Variants in TNRC6B observed in about 807,000 individuals in gnomAD.
TNRC6B encodes trinucleotide repeat-containing gene 6B protein.
In TNRC6B, 52 loss-of-function variants were observed where a neutral mutation model predicts 203.6. That is an observed-to-expected ratio of 0.26 (90% CI 0.20 to 0.32). The LOEUF (loss-of-function observed/expected upper bound fraction) is 0.32. TNRC6B is among the 10% of genes least tolerant of loss of function. The pLI is 1.00. For missense variants in TNRC6B, 1,923 were observed against 2,286.2 expected, an observed-to-expected ratio of 0.84 and a Z score of 3.24; for synonymous variants, 838 against 845.7, an observed-to-expected ratio of 0.99 and a Z score of 0.16.
chr22:40,289,248 C>T (rs1372482443), intron 12 of TNRC6B, among the ~76,000 whole-genome samples: 1 of 151,936 alleles, frequency 6.6e-6, no homozygotes, highest in Non-Finnish European at 1.5e-5. Context: ...AGCCACTGCA[C>T]TCCAGCCTGG....
At chr22:40,167,637 T>A (rs1257994174) in intron 4 of TNRC6B, among the ~76,000 whole-genome samples, 1 of 147,674 alleles carries the variant, frequency 6.8e-6, no homozygotes, top group Non-Finnish European at 1.5e-5. Context: ...CCTAGCACTT[T>A]GGGAGACCAA....
At chr22:40,115,895 T>G (rs961753799) in intron 1 of TNRC6B, among the ~76,000 whole-genome samples, 1 of 152,146 alleles carries the variant, frequency 6.6e-6, no homozygotes, top group Non-Finnish European at 1.5e-5. Flanking sequence ...AGAGGTCAAA[T>G]TTGCTCTTCA....
intron 1 of TNRC6B, among the ~76,000 whole-genome samples, chr22:40,075,156 A>ATATATATATATATATATATATATT: frequency 1.4e-4 from 5 of 35,566 alleles, no homozygotes; most frequent in Non-Finnish European, 2.6e-4. Flanking sequence ...ATATATATAT[A>ATATATATATATATATATATATATT]TTTTTTTTTT....
At chr22:40,200,016 C>T (rs1374552137) in intron 1 of TNRC6B, among the ~76,000 whole-genome samples, 1 of 151,972 alleles carries the variant, frequency 6.6e-6, no homozygotes, top group Non-Finnish European at 1.5e-5. Context: ...CCAGGCTGGT[C>T]TTGAACTCCT....
intron 3 of TNRC6B, among the ~76,000 whole-genome samples, chr22:40,149,726 CTTTTAGGGTGGTATGTTCATTGT>C (rs1025534494): frequency 1.4e-5 from 2 of 139,442 alleles, no homozygotes; most frequent in Non-Finnish European, 3.1e-5. Flanking sequence ...CATGATGAAA[CTTTTAGGGTGGTATGTTCATTGT>C]CTTGCTTGTG....
chr22:40,219,166 G>A (rs144904122), intron 1 of TNRC6B, among the ~76,000 whole-genome samples: 2 of 152,314 alleles, frequency 1.3e-5, no homozygotes, highest in Non-Finnish European at 2.9e-5. Flanking sequence ...CTGGGAGACC[G>A]GGCTGAGCCC....
At position 40,246,955 on chromosome 22, in the gene TNRC6B, A is replaced by G. The variant is rs185010838; in HGVS notation, c.93+853A>G. 1.3e-3 allele frequency among the ~76,000 whole-genome samples: 204 copies of G among 152,242 alleles called. 1 individual carries two copies. Among genetic ancestry groups the G allele is most frequent in the African/African-American group, 4.0e-3 (167 of 41,536 alleles). On this transcript the variant is annotated intron_variant, in intron 2 of 22. Coordinates refer to ENST00000454349, the MANE Select transcript of TNRC6B (RefSeq NM_001162501.2). ...AAGAGATGCTAAAAGAAAAAAGGCAAAGGGCCAACGGCTGTCACCTGTCAG... is the reference window on the plus strand; with the variant it reads ...AAGAGATGCTAAAAGAAAAAAGGCAGAGGGCCAACGGCTGTCACCTGTCAG...
At chr22:40,128,803 G>A (rs1444706912) in intron 3 of TNRC6B, among the ~76,000 whole-genome samples, 1 of 152,024 alleles carries the variant, frequency 6.6e-6, no homozygotes, top group African/African-American at 2.4e-5. Context: ...AATTATAGGT[G>A]TAAGCCACTG....
intron 4 of TNRC6B, among the ~76,000 whole-genome samples, chr22:40,166,682 G>A (rs1414807097): frequency 6.6e-6 from 1 of 151,992 alleles, no homozygotes; most frequent in African/African-American, 2.4e-5. Flanking sequence ...AGATCACGAG[G>A]TCAGGAGTTT....
intron 15 of TNRC6B, among the ~76,000 whole-genome samples, chr22:40,306,459 C>T (rs1233286230): frequency 2.0e-5 from 3 of 152,142 alleles, no homozygotes; most frequent in Non-Finnish European, 2.9e-5. Context: ...TCCAAAAACT[C>T]TTTCTCAATG....
intron 1 of TNRC6B, among the ~76,000 whole-genome samples, chr22:40,187,479 ATGCTTGG>A (rs2069218754): frequency 6.6e-6 from 1 of 152,128 alleles, no homozygotes; most frequent in Non-Finnish European, 1.5e-5. Flanking sequence ...TGTTTCTGAA[ATGCTTGG>A]TGCAGAGGCT....
intron 1 of TNRC6B, among the ~76,000 whole-genome samples, chr22:40,200,291 T>C (rs2146405893): frequency 7.9e-6 from 1 of 126,868 alleles, no homozygotes; most frequent in Admixed American, 8.0e-5. Flanking sequence ...TTTTTTTTTT[T>C]TTTTTTTTTT....
At chr22:40,292,216 G>A (rs1393638097) in intron 12 of TNRC6B, among the ~76,000 whole-genome samples, 1 of 151,960 alleles carries the variant, frequency 6.6e-6, no homozygotes, top group Admixed American at 6.6e-5. Context: ...AGGCATGGTG[G>A]CGCACACCCG....
At chr22:40,089,285 C>G (rs1601808710) in intron 1 of TNRC6B, among the ~76,000 whole-genome samples, 1 of 151,762 alleles carries the variant, frequency 6.6e-6, no homozygotes, top group South Asian at 2.1e-4. Context: ...CAGGCTGGAG[C>G]GCATTGGTGT....
intron 1 of TNRC6B, among the ~76,000 whole-genome samples, chr22:40,195,101 A>G (rs1451322955): frequency 6.6e-6 from 1 of 152,246 alleles, no homozygotes; most frequent in Non-Finnish European, 1.5e-5. Context: ...TGCAGAGACA[A>G]CAATGTATGT....
chr22:40,080,844 T>G (rs901950738), intron 1 of TNRC6B, among the ~76,000 whole-genome samples: 2 of 151,876 alleles, frequency 1.3e-5, no homozygotes, highest in African/African-American at 2.4e-5. Context: ...TTTGTTTTTT[T>G]TTTTTTTCAT....
intron 1 of TNRC6B, among the ~76,000 whole-genome samples, chr22:40,235,433 C>A (rs5757884): frequency 0.32 from 48,758 of 151,998 alleles, 9,586 homozygotes; most frequent in East Asian, 0.57. Context: ...TCCAGGACCA[C>A]GTCATCCCTA....
At chr22:40,296,644 T>TC (rs916777098) in intron 12 of TNRC6B, among the ~76,000 whole-genome samples, 1 of 151,284 alleles carries the variant, frequency 6.6e-6, no homozygotes, top group African/African-American at 2.4e-5. Flanking sequence ...TTTTTTTTTT[T>TC]CCTTATGGTG....
chr22:40,261,759 A>G, intron 3 of TNRC6B, 73 bp from the exon 4 acceptor site: 1 of 1,235,754 alleles, frequency 8.1e-7, no homozygotes, highest in Non-Finnish European at 1.1e-6. Context: ...AAATAATAAA[A>G]TTATTTTTAA....
Sources: gnomAD v4.1 joint callset for allele counts (sites outside exome capture counted in the v4.1 genomes callset) on GRCh38, gnomAD v4.1.1 for gene constraint, MANE v1.5 for transcripts, NCBI Gene and HGNC (gene_info 2026-07-23, HGNC 2026-07-21) for gene names.